TSHR: variants seen among roughly 807,000 people sequenced by gnomAD.
TSHR encodes thyrotropin receptor.
In TSHR, 51 loss-of-function variants were observed where a neutral mutation model predicts 64.1. The ratio of observed to expected loss-of-function variants is 0.80; its 90% CI spans 0.64 to 1.01. The LOEUF is 1.01. Among genes scored for constraint, TSHR ranks in the 50% least tolerant of loss-of-function variants. The probability of loss-of-function intolerance (pLI) is 0.00; values close to 1 mark genes in which losing one functional copy is unlikely to be tolerated. For synonymous variants in TSHR, 361 were observed against 361.9 expected, an observed-to-expected ratio of 1.00 and a Z score of 0.03; for missense variants, 877 against 942.8, an observed-to-expected ratio of 0.93 and a Z score of 0.91.
At chr14:80,996,117 C>T (rs1015339246) in intron 1 of TSHR, among the ~76,000 whole-genome samples, 6 of 151,968 alleles carry the variant, frequency 3.9e-5, no homozygotes, top group East Asian at 1.9e-4. Context: ...GATGTTGTTC[C>T]CTTATAATTA....
intron 8 of TSHR, chr14:81,108,653 A>C (rs1236985219): frequency 6.2e-7 from 1 of 1,614,088 alleles, no homozygotes; most frequent in African/African-American, 1.3e-5. Context: ...GAGACTCAGA[A>C]GGCCCCACGC....
At chr14:80,977,278 A>G (rs763097954) in intron 1 of TSHR, among the ~76,000 whole-genome samples, 23 of 152,242 alleles carry the variant, frequency 1.5e-4, no homozygotes, top group Non-Finnish European at 2.9e-4. Flanking sequence ...ACAATAATTC[A>G]CAGGTCCTTC....
intron 3 of TSHR, among the ~76,000 whole-genome samples, chr14:81,083,529 G>T (rs896202146): frequency 4.0e-5 from 6 of 150,742 alleles, no homozygotes; most frequent in African/African-American, 1.5e-4. Context: ...CAGTGTTGCT[G>T]CTAAGTGTAT....
chr14:81,011,781 T>C (rs141084873), intron 1 of TSHR, among the ~76,000 whole-genome samples: 1 of 152,190 alleles, frequency 6.6e-6, no homozygotes, highest in East Asian at 1.9e-4. Flanking sequence ...GAGTTAAGTG[T>C]TTTCTCCTGC....
intron 2 of TSHR, among the ~76,000 whole-genome samples, chr14:81,064,843 G>A (rs1192362968): frequency 1.3e-5 from 2 of 151,938 alleles, no homozygotes; most frequent in African/African-American, 4.8e-5. Context: ...AGTGAAGAAA[G>A]AACAATTTTA....
intron 8 of TSHR, among the ~76,000 whole-genome samples, chr14:81,119,163 C>A (rs1271263447): frequency 4.4e-4 from 62 of 140,012 alleles, no homozygotes; most frequent in African/African-American, 1.3e-3. Context: ...GCAACAAAAG[C>A]CAAAATTGAC....
In TSHR at chr14:80,957,466, CAA is replaced by C. The variant is rs11305793; in HGVS notation, c.170+1628_170+1629del. On this transcript the variant is annotated intron_variant, in intron 1 of 9. Transcript: ENST00000298171. ...GAACTACTTAGACACTCAGAAAAAA[CAA>C]AAAAAAAAAAACTTAAGTGAATAAA... 3.2e-3 allele frequency among the ~76,000 whole-genome samples: 468 copies of C among 144,366 alleles called. 2 individuals carry two copies. Among genetic ancestry groups the C allele is most frequent in the African/African-American group, 0.01 (411 of 39,404 alleles). The allele number at this position is 144,366 out of a possible 152,430, so 94.7% of individuals were successfully genotyped here.
chr14:81,070,765 A>T (rs1346459134), intron 3 of TSHR, among the ~76,000 whole-genome samples: 2 of 152,126 alleles, frequency 1.3e-5, no homozygotes, highest in African/African-American at 2.4e-5. Flanking sequence ...TGAACAGCAA[A>T]ACAGCAAATA....
In TSHR at chr14:80,955,752, T is replaced by C; in HGVS notation, c.72T>C (p.Cys24=). The change falls in exon 1 of 10, where the codon TGT becomes TGC. Residue 24 remains cysteine, a synonymous_variant. Coordinates refer to ENST00000298171, the MANE Select transcript of TSHR (RefSeq NM_000369.5). The part of the protein sequence containing the change: ...DLPRDLGGMG[C]SSPPCECHQE... Reference sequence around the variant, plus strand: ...CCAGGGACCTGGGCGGAATGGGGTGTTCGTCTCCACCCTGCGAGTGCCATC... The same window carrying C: ...CCAGGGACCTGGGCGGAATGGGGTGCTCGTCTCCACCCTGCGAGTGCCATC... The C allele has an allele frequency of 1.2e-5, 19 of 1,614,148 alleles. No homozygotes were observed. The highest frequency in any genetic ancestry group is 1.5e-5 in the Non-Finnish European group (18 of 1,180,028).
intron 1 of TSHR, among the ~76,000 whole-genome samples, chr14:80,999,361 C>T (rs4903963): frequency 0.012 from 1,861 of 152,294 alleles, 139 homozygotes; most frequent in Admixed American, 0.1. Context: ...TCACCACTAA[C>T]AAGTCTTTTC....
intron 1 of TSHR, among the ~76,000 whole-genome samples, chr14:80,965,995 A>G (rs1887280303): frequency 6.6e-6 from 1 of 152,204 alleles, no homozygotes; most frequent in African/African-American, 2.4e-5. Flanking sequence ...GCACACCTGG[A>G]AAGAGCTTCC....
chr14:81,003,127 T>C (rs1889429692), intron 1 of TSHR, among the ~76,000 whole-genome samples: 1 of 152,092 alleles, frequency 6.6e-6, no homozygotes, highest in Admixed American at 6.6e-5. Flanking sequence ...CTGTTTAGTT[T>C]CTTTTGTGCT....
chr14:80,962,447 A>G (rs1177107760), intron 1 of TSHR, among the ~76,000 whole-genome samples: 1 of 152,180 alleles, frequency 6.6e-6, no homozygotes, highest in African/African-American at 2.4e-5. Context: ...GGCTCTTCCT[A>G]GGGGCTGGTT....
intron 1 of TSHR, chr14:81,013,258 G>T (rs1338336623): frequency 6.6e-6 from 1 of 152,158 alleles, no homozygotes; most frequent in African/African-American, 2.4e-5. Flanking sequence ...TTGTAGATAT[G>T]CGGCGTTATT....
intron 1 of TSHR, among the ~76,000 whole-genome samples, chr14:81,017,577 G>A (rs1056843732): frequency 1.3e-5 from 2 of 152,144 alleles, no homozygotes; most frequent in Non-Finnish European, 2.9e-5. Flanking sequence ...TAAGTTCCCA[G>A]AAGACACTCT....
chr14:81,089,248 A>G (rs1229530089), intron 4 of TSHR, among the ~76,000 whole-genome samples: 1 of 152,156 alleles, frequency 6.6e-6, no homozygotes, highest in African/African-American at 2.4e-5. Context: ...TCAGCCTCCC[A>G]AAGTGCTGGG....
At chr14:81,050,461 A>G (rs1885372602) in intron 1 of TSHR, 1 of 152,170 alleles carries the variant, frequency 6.6e-6, no homozygotes, top group Non-Finnish European at 1.5e-5. Flanking sequence ...AATTGCTCAT[A>G]CCATCACGAA....
At chr14:81,020,761 T>G (rs1883703320) in intron 1 of TSHR, among the ~76,000 whole-genome samples, 1 of 152,238 alleles carries the variant, frequency 6.6e-6, no homozygotes, top group African/African-American at 2.4e-5. Flanking sequence ...ATTGTACAGC[T>G]GTATCTGGTA....
intron 8 of TSHR, among the ~76,000 whole-genome samples, chr14:81,113,109 C>T (rs1890301885): frequency 6.6e-6 from 1 of 152,026 alleles, no homozygotes; most frequent in South Asian, 2.1e-4. Flanking sequence ...TGTAGGGAAC[C>T]AAGTATGGAA....
Sources: allele counts gnomAD v4.1 joint callset (sites outside exome capture counted in the v4.1 genomes callset), GRCh38; gene constraint gnomAD v4.1.1; transcripts MANE v1.5; gene names NCBI Gene and HGNC (gene_info 2026-07-23, HGNC 2026-07-21).